JAK1: variants seen among roughly 807,000 people sequenced by gnomAD.
JAK1 encodes tyrosine-protein kinase JAK1.
A neutral mutation model predicts 136.6 loss-of-function variants in JAK1; 16 were observed. The ratio of observed to expected loss-of-function variants is 0.12; its 90% CI spans 0.08 to 0.18. The LOEUF (loss-of-function observed/expected upper bound fraction) is 0.18, where lower values mean the gene tolerates loss of function less well. Ranked by LOEUF, JAK1 falls within the 10% of genes least tolerant of loss-of-function variation. The probability of loss-of-function intolerance (pLI) is 1.00; values close to 1 mark genes in which losing one functional copy is unlikely to be tolerated. For missense variants in JAK1, 859 were observed against 1,450.1 expected, an observed-to-expected ratio of 0.59 and a Z score of 6.62; for synonymous variants, 492 against 519.5, an observed-to-expected ratio of 0.95 and a Z score of 0.72.
chr1:65,025,260 C>T (rs1646968602), intron 2 of JAK1, among the ~76,000 whole-genome samples: 1 of 152,182 alleles, frequency 6.6e-6, no homozygotes. Context: ...TCACAGATCC[C>T]ATTCCCGAAG....
intron 2 of JAK1, among the ~76,000 whole-genome samples, chr1:65,002,735 C>A (rs1646770533): frequency 1.3e-5 from 2 of 152,202 alleles, no homozygotes; most frequent in Non-Finnish European, 2.9e-5. Context: ...GAAGCCCGGG[C>A]GCTCTTACCG....
At chr1:64,855,013 T>C (rs952012476) in intron 11 of JAK1, among the ~76,000 whole-genome samples, 1 of 152,184 alleles carries the variant, frequency 6.6e-6, no homozygotes, top group African/African-American at 2.4e-5. Flanking sequence ...GGGTATGATA[T>C]CTATGTTAGT....
chr1:64,855,561 G>A lies in JAK1; in HGVS notation c.1596C>T (p.Arg532=), dbSNP rs2101050015. The A allele has an allele frequency of 1.2e-6, 2 of 1,614,208 alleles. No individual in the cohort carries two copies. Among genetic ancestry groups the A allele is most frequent in the East Asian group, 4.5e-5 (2 of 44,882 alleles). Reference sequence around the variant, plus strand: ...TTAGCATGAAGCTGATGTTATCCGTGCGCAGGATCTGCTTCTTGAGGTGGC... The same window carrying A: ...TTAGCATGAAGCTGATGTTATCCGTACGCAGGATCTGCTTCTTGAGGTGGC... ...LMSHLKKQIL[R]TDNISFMLKR... is the part of the protein sequence containing the mutation. The change falls in exon 11 of 25, where the codon CGC becomes CGT. Residue 532 remains arginine, a synonymous_variant. Coordinates refer to ENST00000342505, the MANE Select transcript of JAK1 (RefSeq NM_002227.4).
intron 1 of JAK1, among the ~76,000 whole-genome samples, chr1:64,922,068 C>A (rs771591354): frequency 1.3e-5 from 2 of 151,868 alleles, no homozygotes; most frequent in Non-Finnish European, 2.9e-5. Flanking sequence ...AGACACAGGG[C>A]TTGCAGCAGT....
At chr1:64,976,362 C>A (rs1412640567) in intron 2 of JAK1, among the ~76,000 whole-genome samples, 2 of 152,212 alleles carry the variant, frequency 1.3e-5, no homozygotes, top group Non-Finnish European at 2.9e-5. Context: ...TTTTTGGCTA[C>A]ATATTTGCCT....
At chr1:64,894,446 G>GT (rs1400184152) in intron 1 of JAK1, among the ~76,000 whole-genome samples, 3 of 152,126 alleles carry the variant, frequency 2.0e-5, no homozygotes, top group African/African-American at 7.2e-5. Context: ...GCCTCAAAAT[G>GT]TAAGTTAGGA....
chr1:65,042,903 G>C (rs12063687), intron 2 of JAK1, among the ~76,000 whole-genome samples: 31,554 of 152,102 alleles, frequency 0.21, 3,640 homozygotes, highest in African/African-American at 0.3. Context: ...GATGGCCAGA[G>C]AGAGAAGTGT....
At chr1:64,952,948 T>C (rs183680955) in intron 1 of JAK1, among the ~76,000 whole-genome samples, 8 of 152,350 alleles carry the variant, frequency 5.3e-5, no homozygotes, top group Admixed American at 5.2e-4. Context: ...AGCGGTTGAA[T>C]AACTTGCCCA....
rs538189615 is a variant in JAK1 at position 64,945,063 on chromosome 1, C to T, written c.-78+21270G>A. On this transcript the variant is annotated intron_variant, in intron 1 of 24. Coordinates refer to ENST00000342505, the MANE Select transcript of JAK1 (RefSeq NM_002227.4). ...CATCGGGATGGGCAGAACCCCTAGT[C>T]GCATATCACACTACAATCTCAAACC... Among the ~76,000 whole-genome samples the T allele has an allele frequency of 3.3e-5, 5 of 151,818 alleles. No individual in the cohort carries two copies. The South Asian group carries it at 8.3e-4, about 25-fold the overall frequency.
At chr1:65,025,947 G>A (rs1400969252) in intron 2 of JAK1, among the ~76,000 whole-genome samples, 1 of 152,096 alleles carries the variant, frequency 6.6e-6, no homozygotes, top group Non-Finnish European at 1.5e-5. Flanking sequence ...CCATAATGCT[G>A]GGATTACAGG....
chr1:65,067,252 G>A (rs553982352), intron 1 of JAK1, among the ~76,000 whole-genome samples: 15 of 150,716 alleles, frequency 1.0e-4, no homozygotes, highest in Middle Eastern at 3.4e-3. Flanking sequence ...GCTGGGCAGT[G>A]GCGCGCCCTC....
chr1:64,862,109 T>C (rs72675453), intron 8 of JAK1, among the ~76,000 whole-genome samples: 3,369 of 152,244 alleles, frequency 0.022, 62 homozygotes, highest in Non-Finnish European at 0.035. Context: ...GGCTTGGGAA[T>C]CCCATGGCTG....
chr1:64,990,300 CTCAAAAACAA>C (rs1371826276), intron 2 of JAK1: 2 of 151,970 alleles, frequency 1.3e-5, no homozygotes, highest in African/African-American at 4.8e-5. Flanking sequence ...AAAACTCTGT[CTCAAAAACAA>C]ACAAACAAAC....
chr1:64,869,485 G>A lies in JAK1; in HGVS notation c.484-11C>T, dbSNP rs762212043. The A allele has an allele frequency of 1.9e-6, 3 of 1,612,456 alleles. No individual in the cohort carries two copies. The highest frequency in any genetic ancestry group is 2.2e-5 in the South Asian group (2 of 90,930). ...CAAATCATACTGTCCCTAGGAGCAA[G>A]GGGGAGAAACCATGAGAGCCCACCC... On this transcript the variant is annotated splice_polypyrimidine_tract_variant and intron_variant, in intron 5 of 24. Transcript: ENST00000342505.
chr1:65,000,357 GCCTGGCAAGATGAGT>G (rs1160390932), intron 2 of JAK1, among the ~76,000 whole-genome samples: 1 of 152,012 alleles, frequency 6.6e-6, no homozygotes, highest in Non-Finnish European at 1.5e-5. Flanking sequence ...TATAGTTACA[GCCTGGCAAGATGAGT>G]CCTGCCTGTA....
intron 1 of JAK1, chr1:64,941,961 G>C (rs1645898489): frequency 6.6e-6 from 1 of 152,180 alleles, no homozygotes; most frequent in Non-Finnish European, 1.5e-5. Context: ...TGGAGCGACT[G>C]TGTCAGCTTG....
intron 1 of JAK1, among the ~76,000 whole-genome samples, chr1:64,906,485 A>AC (rs967509696): frequency 2.6e-5 from 4 of 151,454 alleles, no homozygotes; most frequent in Admixed American, 1.3e-4. Context: ...TAGAAGCAAA[A>AC]CCCCCCAGCA....
At chr1:64,906,076 C>G (rs913387313) in intron 1 of JAK1, among the ~76,000 whole-genome samples, 2 of 152,222 alleles carry the variant, frequency 1.3e-5, no homozygotes, top group Admixed American at 1.3e-4. Context: ...GAGTGGATCA[C>G]TTGAGGTCAG....
At chr1:64,986,122 T>C (rs1178861551) in intron 2 of JAK1, 24 of 746,940 alleles carry the variant, frequency 3.2e-5, no homozygotes, top group Middle Eastern at 9.6e-4. Flanking sequence ...TTTTTTTTTT[T>C]TGGACAGAGT....
Sources: allele counts gnomAD v4.1 joint callset (sites outside exome capture counted in the v4.1 genomes callset), GRCh38; gene constraint gnomAD v4.1.1; transcripts MANE v1.5; gene names NCBI Gene and HGNC (gene_info 2026-07-23, HGNC 2026-07-21).